The following PLA2G4E variants were observed in gnomAD, a reference collection of about 807,000 sequenced individuals.
PLA2G4E encodes cytosolic phospholipase A2 epsilon.
Under a neutral mutation model 109.1 loss-of-function variants are expected in PLA2G4E, and 84 were observed. The observed-to-expected ratio is 0.77, with a 90% CI of 0.65 to 0.92. PLA2G4E has a LOEUF of 0.92. Ranked by LOEUF, PLA2G4E falls within the 40% of genes least tolerant of loss-of-function variation. The probability of loss-of-function intolerance (pLI) is 0.00; values close to 1 mark genes in which losing one functional copy is unlikely to be tolerated. For missense variants in PLA2G4E, 1,057 were observed against 1,076.6 expected (o/e 0.98, Z 0.25); for synonymous variants, 469 against 436.1 (o/e 1.08, Z -0.94).
At chr15:42,008,678 G>C (rs1323262908) in intron 2 of PLA2G4E, among the ~76,000 whole-genome samples, 4 of 152,188 alleles carry the variant, frequency 2.6e-5, no homozygotes, top group Admixed American at 2.6e-4. Flanking sequence ...GAAAATAGTA[G>C]CCCAGACTGG....
chr15:42,050,198 T>C (rs577089801), intron 1 of PLA2G4E, among the ~76,000 whole-genome samples: 1 of 152,224 alleles, frequency 6.6e-6, no homozygotes, highest in Admixed American at 6.5e-5. Context: ...AAACTAGCTA[T>C]GTGGCCTTGG....
intron 10 of PLA2G4E, 105 bp downstream of exon 10, chr15:41,999,419 A>C: frequency 1.2e-6 from 1 of 814,148 alleles, no homozygotes; most frequent in Non-Finnish European, 2.1e-6. Context: ...GATGTTCAAC[A>C]TCATTAGCCA....
At chr15:41,984,101 C>T in intron 19 of PLA2G4E, 127 bp from the exon 20 acceptor site, 2 of 844,042 alleles carry the variant, frequency 2.4e-6, no homozygotes, top group Non-Finnish European at 3.8e-6. Context: ...AAAACCTGTA[C>T]ACACGCACAC....
intron 1 of PLA2G4E, among the ~76,000 whole-genome samples, chr15:42,027,109 G>T (rs1000995732): frequency 1.3e-5 from 2 of 152,190 alleles, no homozygotes; most frequent in African/African-American, 2.4e-5. Context: ...TGTGCAACCT[G>T]CTGCAGTCAT....
At position 42,028,123 on chromosome 15, in the gene PLA2G4E, C is replaced by T. The variant is rs548587929; in HGVS notation, c.184-14366G>A. ...ATGTCAACAGGAGCAAAGTGGCTCT[C>T]ATTTATTGAATGTTTACAAAGTAGC... On this transcript the variant is annotated intron_variant, in intron 1 of 19. Transcript: ENST00000399518. Among the ~76,000 whole-genome samples, 8 of 152,322 alleles carry T rather than the reference C, an allele frequency of 5.3e-5. No homozygotes were observed. The East Asian group carries it at 1.3e-3, about 26-fold the overall frequency.
At chr15:42,040,962 G>A (rs1228928251) in intron 1 of PLA2G4E, among the ~76,000 whole-genome samples, 1 of 152,178 alleles carries the variant, frequency 6.6e-6, no homozygotes, top group Non-Finnish European at 1.5e-5. Context: ...TTTAAAGACT[G>A]TAAATTAAAA....
At chr15:42,038,376 C>T (rs1036064447) in intron 1 of PLA2G4E, among the ~76,000 whole-genome samples, 1 of 152,154 alleles carries the variant, frequency 6.6e-6, no homozygotes, top group Non-Finnish European at 1.5e-5. Context: ...TTATACAACT[C>T]ACCATAATGT....
chr15:42,031,986 C>T lies in PLA2G4E; in HGVS notation c.184-18229G>A, dbSNP rs142068244. Reference sequence around the variant, plus strand: ...ATGGATTTCTCATGAATGGCTTGGTCCTTCTGGTGGTAATGAGTGAGTTCT... The same window carrying T: ...ATGGATTTCTCATGAATGGCTTGGTTCTTCTGGTGGTAATGAGTGAGTTCT... On this transcript the variant is annotated intron_variant, in intron 1 of 19. Transcript: ENST00000399518. Among the ~76,000 whole-genome samples, 27 of 152,210 alleles carry T rather than the reference C, an allele frequency of 1.8e-4. No homozygotes were observed. The East Asian group carries it at 5.2e-3, about 29-fold the overall frequency.
intron 2 of PLA2G4E, among the ~76,000 whole-genome samples, chr15:42,012,411 T>C (rs1223342163): frequency 6.6e-6 from 1 of 152,190 alleles, no homozygotes; most frequent in East Asian, 1.9e-4. Flanking sequence ...ACTTCCCTCT[T>C]AGGCAATCAT....
At chr15:42,004,723 G>A (rs941133733) in intron 5 of PLA2G4E, among the ~76,000 whole-genome samples, 3 of 152,216 alleles carry the variant, frequency 2.0e-5, no homozygotes, top group Non-Finnish European at 4.4e-5. Context: ...GCTGAGGGCA[G>A]GAGAACTGGG....
In PLA2G4E at chr15:41,984,763, C is replaced by T. The variant is rs887343556; in HGVS notation, c.2203-144G>A. On this transcript the variant is annotated intron_variant, in intron 18 of 19. Transcript: ENST00000399518. ...TTTGCCAGTGTATGGTATTTTGAGA[C>T]TAAAGCCAGGTCAGGACAAAAGGCC... The T allele has an allele frequency of 6.5e-6, 5 of 766,586 alleles. No homozygotes were observed. In the Admixed American group the frequency reaches 1.7e-4, roughly 25 times the overall value. 47.5% of individuals were successfully genotyped at this position (766,586 alleles called of 1,614,324 possible). A position where few individuals can be genotyped will look rare whatever the true frequency, so the allele number is the denominator to read the frequency against.
intron 1 of PLA2G4E, among the ~76,000 whole-genome samples, chr15:42,046,275 C>A (rs1206300360): frequency 6.6e-6 from 1 of 152,232 alleles, no homozygotes. Context: ...TTAAAGCCCT[C>A]CATGGGCTCC....
intron 3 of PLA2G4E, among the ~76,000 whole-genome samples, chr15:42,007,113 G>C (rs2068484810): frequency 6.6e-6 from 1 of 152,224 alleles, no homozygotes; most frequent in Non-Finnish European, 1.5e-5. Flanking sequence ...CAAGCCTCAA[G>C]CACCTCCAGA....
intron 1 of PLA2G4E, among the ~76,000 whole-genome samples, chr15:42,025,710 T>C (rs2068688458): frequency 6.6e-6 from 1 of 152,180 alleles, no homozygotes; most frequent in African/African-American, 2.4e-5. Context: ...AGAAGAGAAG[T>C]GATTTCCTTG....
At position 42,000,165 on chromosome 15, in the gene PLA2G4E, T is replaced by C. The variant is rs771705576; in HGVS notation, c.791A>G (p.Tyr264Cys). The change falls in exon 8 of 20, where the codon TAC becomes TGC. Residue 264 changes from tyrosine (Y) to cysteine (C), a missense_variant. By Grantham distance (194) the Tyr-to-Cys change is radical. Coordinates refer to ENST00000399518, the Ensembl canonical transcript of PLA2G4E. ...CACCTGGGACTGGAAGTACTTGGGG[T>C]AGTGGAAGCAGGCAGCGGTTTGGAA... The C allele has an allele frequency of 3.8e-6, 6 of 1,594,958 alleles. No homozygotes were observed. In the African/African-American group the frequency reaches 6.7e-5, roughly 18 times the overall value.
At chr15:41,987,799 G>C (rs1197532736) in intron 16 of PLA2G4E, among the ~76,000 whole-genome samples, 1 of 152,148 alleles carries the variant, frequency 6.6e-6, no homozygotes, top group African/African-American at 2.4e-5. Context: ...TTAGGCCATA[G>C]GTGACGATGC....
At chr15:42,002,779 G>C in intron 5 of PLA2G4E, 83 bp from the exon 6 acceptor site, 2 of 1,250,360 alleles carry the variant, frequency 1.6e-6, no homozygotes, top group Non-Finnish European at 2.3e-6. Context: ...AATAAATAGG[G>C]TCAATAACAA....
exon 3 of PLA2G4E, chr15:42,007,764 C>T (rs1378554707): frequency 8.1e-6 from 13 of 1,612,740 alleles, no homozygotes; most frequent in Non-Finnish European, 1.0e-5. Context: ...TTGAAGCTTT[C>T]ATTCCACTCT....
At chr15:42,024,786 C>T (rs1043529942) in intron 1 of PLA2G4E, among the ~76,000 whole-genome samples, 2 of 152,194 alleles carry the variant, frequency 1.3e-5, no homozygotes, top group African/African-American at 4.8e-5. Flanking sequence ...CAGTCTTTGC[C>T]AACAAACTCT....
Sources: allele counts gnomAD v4.1 joint callset (sites outside exome capture counted in the v4.1 genomes callset), GRCh38; gene constraint gnomAD v4.1.1; transcripts MANE v1.5; gene names NCBI Gene and HGNC (gene_info 2026-07-23, HGNC 2026-07-21).